Variants in SLC2A9 observed in about 807,000 individuals in gnomAD.
The protein encoded by SLC2A9 is solute carrier family 2, facilitated glucose transporter member 9.
In SLC2A9, 39 loss-of-function variants were observed where a neutral mutation model predicts 50.6. That is an observed-to-expected ratio of 0.77 (90% CI 0.60 to 1.01). SLC2A9 has a LOEUF of 1.01. SLC2A9 is among the 50% of genes least tolerant of loss of function. The pLI, the probability that SLC2A9 is intolerant of heterozygous loss-of-function variation, is 0.00. For synonymous variants in SLC2A9, 324 were observed against 276.9 expected, an observed-to-expected ratio of 1.17 and a Z score of -1.69; for missense variants, 686 against 677.6, an observed-to-expected ratio of 1.01 and a Z score of -0.14.
In SLC2A9 at chr4:9,835,849, G is replaced by A. The variant is rs146607985; in HGVS notation, c.1292-841C>T. ...CACCTGTAATCCCAGCACTTTGGGA[G>A]GCAGAGGCCAGTGGATTACATGAGG... is the stretch of plus-strand genomic sequence containing the variant. On this transcript the variant is annotated intron_variant, in intron 10 of 11. Transcript: ENST00000264784. Among the ~76,000 whole-genome samples, 343 of 152,244 alleles carry A rather than the reference G, an allele frequency of 2.3e-3. 2 individuals are homozygous for A. The highest frequency in any genetic ancestry group is 7.8e-3 in the African/African-American group (323 of 41,544).
chr4:9,849,787 T>G (rs1182918665), intron 10 of SLC2A9, among the ~76,000 whole-genome samples: 1 of 152,178 alleles, frequency 6.6e-6, no homozygotes, highest in Non-Finnish European at 1.5e-5. Flanking sequence ...GGTGGTGAGT[T>G]AAGCACACTC....
At chr4:9,801,426 C>A (rs1488135265) in intron 3 of SLC2A9, among the ~76,000 whole-genome samples, 1 of 152,236 alleles carries the variant, frequency 6.6e-6, no homozygotes, top group Non-Finnish European at 1.5e-5. Context: ...GGAAAAGCCA[C>A]TTGAGGGTGT....
chr4:9,937,523 G>T (rs937431600), intron 6 of SLC2A9, among the ~76,000 whole-genome samples: 3 of 152,192 alleles, frequency 2.0e-5, no homozygotes, highest in Non-Finnish European at 4.4e-5. Context: ...GAGGGCGCTG[G>T]TCTTCCGGGA....
rs1262222259 is a variant in SLC2A9 at position 10,019,006 on chromosome 4, T to C, written c.218A>G (p.Tyr73Cys). 2 of 1,550,408 alleles carry C rather than the reference T, an allele frequency of 1.3e-6. No individual in the cohort carries two copies. Among genetic ancestry groups the C allele is most frequent in the Non-Finnish European group, 1.7e-6 (2 of 1,146,930 alleles). Residue 73 changes from tyrosine (Y) to cysteine (C), a missense_variant, in exon 2 of 12, where the codon TAC (tyrosine) becomes TGC (cysteine). By Grantham distance (194) the Tyr-to-Cys change is radical. Coordinates refer to ENST00000264784, the MANE Select transcript of SLC2A9 (RefSeq NM_020041.3). The part of the protein sequence containing the change: ...GAFGSSFLYG[Y>C]NLSVVNAPTP... ...GGGGGCATTCACCACCGACAGGTTG[T>C]AGCCGTAGAGGAAGGAGGAGCCGAA...
downstream of SLC2A9, among the ~76,000 whole-genome samples, chr4:9,796,091 AC>A (rs1179747073): frequency 6.6e-6 from 1 of 152,008 alleles, no homozygotes; most frequent in Non-Finnish European, 1.5e-5. Flanking sequence ...CATAAGTGAG[AC>A]TCTAGAGCTT....
chr4:9,857,544 T>C (rs1421375100), intron 10 of SLC2A9, among the ~76,000 whole-genome samples: 1 of 152,334 alleles, frequency 6.6e-6, no homozygotes, highest in Non-Finnish European at 1.5e-5. Context: ...GAGGCTTTTG[T>C]TGGCTTTTCA....
At chr4:10,018,065 C>T (rs1002829869) in intron 2 of SLC2A9, among the ~76,000 whole-genome samples, 21 of 152,216 alleles carry the variant, frequency 1.4e-4, no homozygotes, top group Admixed American at 6.5e-5. Flanking sequence ...AAAGCCAGCA[C>T]CCACAGGATA....
chr4:9,901,878 A>G (rs1739699425), intron 8 of SLC2A9, among the ~76,000 whole-genome samples: 1 of 152,242 alleles, frequency 6.6e-6, no homozygotes, highest in Admixed American at 6.5e-5. Context: ...ATCAGAAGGC[A>G]AAAGAAAGAG....
intron 4 of SLC2A9, among the ~76,000 whole-genome samples, chr4:9,984,478 T>C (rs1756385202): frequency 6.6e-6 from 1 of 152,188 alleles, no homozygotes; most frequent in Non-Finnish European, 1.5e-5. Flanking sequence ...AGCCTTATTA[T>C]AGCCTTTTGA....
chr4:9,950,892 C>CAAA (rs764863059), intron 5 of SLC2A9, among the ~76,000 whole-genome samples: 2 of 11,552 alleles, frequency 1.7e-4, no homozygotes, highest in African/African-American at 6.2e-4. Flanking sequence ...GACTCCGTCT[C>CAAA]AAAAAAAAAA....
At chr4:10,028,146 G>A (rs1171541377) in intron 1 of SLC2A9, among the ~76,000 whole-genome samples, 1 of 152,166 alleles carries the variant, frequency 6.6e-6, no homozygotes, top group Non-Finnish European at 1.5e-5. Context: ...GCCACACCAG[G>A]CCACTCTGCC....
At chr4:9,822,730 A>C (rs187401638), downstream of SLC2A9, among the ~76,000 whole-genome samples, 1 of 152,342 alleles carries the variant, frequency 6.6e-6, no homozygotes, top group African/African-American at 2.4e-5. Context: ...AAAGTCATGC[A>C]AATCATTTTC....
Position 9,934,562 on chromosome 4 carries a change from A to C in SLC2A9, c.814+7351T>G, listed in dbSNP as rs542184882. On this transcript the variant is annotated intron_variant, in intron 6 of 11. Transcript: ENST00000264784. ...CTTTGGTACCATCCAGCACTATCCT[A>C]GCCATGAGCAGATGAGGAAACAGTC... is the stretch of plus-strand genomic sequence containing the variant. 7.9e-5 allele frequency among the ~76,000 whole-genome samples: 12 copies of C among 152,360 alleles called. No homozygotes were observed. In the South Asian group the frequency reaches 2.5e-3, roughly 32 times the overall value.
intron 6 of SLC2A9, among the ~76,000 whole-genome samples, chr4:9,923,130 G>C (rs1254831376): frequency 6.6e-6 from 1 of 152,106 alleles, no homozygotes. Flanking sequence ...GTCCTGAGGG[G>C]GCACCAAGGA....
At chr4:9,862,282 C>T (rs1560206013) in intron 10 of SLC2A9, among the ~76,000 whole-genome samples, 1 of 152,030 alleles carries the variant, frequency 6.6e-6, no homozygotes, top group South Asian at 2.1e-4. Flanking sequence ...TAACCCACCT[C>T]GATCTGCTAT....
chr4:9,997,714 G>C (rs991266273), intron 2 of SLC2A9, among the ~76,000 whole-genome samples: 5 of 144,928 alleles, frequency 3.4e-5, no homozygotes, highest in Non-Finnish European at 7.5e-5. Context: ...GAAAAGTGGG[G>C]GGGCACATAC....
At chr4:9,958,541 G>C (rs1055149362) in intron 5 of SLC2A9, among the ~76,000 whole-genome samples, 3 of 152,190 alleles carry the variant, frequency 2.0e-5, no homozygotes, top group African/African-American at 7.2e-5. Context: ...ACCTAATGTA[G>C]ATCACGGGTT....
In SLC2A9 at chr4:10,030,324, T is replaced by G. The variant is rs148495826; in HGVS notation, c.-40-4318A>C. Among the ~76,000 whole-genome samples the G allele has an allele frequency of 1.6e-3, 241 of 152,314 alleles. 1 individual carries two copies. Among genetic ancestry groups the G allele is most frequent in the African/African-American group, 5.6e-3 (232 of 41,566 alleles). ...AAGATCACATTGTACCACACACATATGTACAATTATTTGTCAATCAAAAAT... is the reference window on the plus strand; with the variant it reads ...AAGATCACATTGTACCACACACATAGGTACAATTATTTGTCAATCAAAAAT... On this transcript the variant is annotated intron_variant, in intron 1 of 12. Transcript: ENST00000309065.
intron 8 of SLC2A9, among the ~76,000 whole-genome samples, chr4:9,892,016 C>G (rs1465280281): frequency 6.6e-6 from 1 of 152,242 alleles, no homozygotes; most frequent in Non-Finnish European, 1.5e-5. Context: ...ACAATGGAAC[C>G]CAGCTGCAGG....
Sources: gnomAD v4.1 joint callset for allele counts (sites outside exome capture counted in the v4.1 genomes callset) on GRCh38, gnomAD v4.1.1 for gene constraint, MANE v1.5 for transcripts, NCBI Gene and HGNC (gene_info 2026-07-23, HGNC 2026-07-21) for gene names.